CADPS: variants seen among roughly 807,000 people sequenced by gnomAD.
CADPS encodes calcium-dependent secretion activator 1.
Under a neutral mutation model 167.3 loss-of-function variants are expected in CADPS, and 57 were observed. The observed-to-expected ratio is 0.34, with a 90% CI of 0.28 to 0.42. The LOEUF (loss-of-function observed/expected upper bound fraction) is 0.42. CADPS is among the 20% of genes least tolerant of loss of function. The probability of loss-of-function intolerance (pLI) is 1.00; values close to 1 mark genes in which losing one functional copy is unlikely to be tolerated. For synonymous variants in CADPS, 676 were observed against 635.3 expected (o/e 1.06, Z -0.96); for missense variants, 1,414 against 1,738.1 (o/e 0.81, Z 3.32).
intron 1 of CADPS, among the ~76,000 whole-genome samples, chr3:62,775,395 C>A (rs1441306414): frequency 1.3e-5 from 2 of 151,988 alleles, no homozygotes; most frequent in East Asian, 1.9e-4. Context: ...TTGGTCATAT[C>A]AAAAATGAAT....
chr3:62,850,523 C>T (rs1159598982), intron 1 of CADPS, among the ~76,000 whole-genome samples: 3 of 126,384 alleles, frequency 2.4e-5, no homozygotes, highest in East Asian at 2.1e-4. Context: ...GCCTTCATTT[C>T]GTTATGTACC....
chr3:62,660,489 A>T (rs1362564095), intron 4 of CADPS, among the ~76,000 whole-genome samples: 1 of 152,216 alleles, frequency 6.6e-6, no homozygotes, highest in Non-Finnish European at 1.5e-5. Context: ...GGCTGACTTG[A>T]TTATAAACTT....
Position 62,720,089 on chromosome 3 carries a change from G to T in CADPS, c.888+33352C>A, listed in dbSNP as rs909748815. ...AAGAAATAAACACTTCTCTTTTAAGGTACTGAGAGTTTGAACTGTAACCAC... is the reference window on the plus strand; with the variant it reads ...AAGAAATAAACACTTCTCTTTTAAGTTACTGAGAGTTTGAACTGTAACCAC... On this transcript the variant is annotated intron_variant, in intron 3 of 29. Transcript: ENST00000383710. Among the ~76,000 whole-genome samples, 5 of 152,116 alleles carry T rather than the reference G, an allele frequency of 3.3e-5. No homozygotes were observed. The East Asian group carries it at 9.6e-4, about 29-fold the overall frequency.
In CADPS at chr3:62,709,141, C is replaced by G. The variant is rs1350070425; in HGVS notation, c.888+44300G>C. Among the ~76,000 whole-genome samples the G allele has an allele frequency of 9.9e-5, 15 of 152,088 alleles. 1 individual carries two copies. Among genetic ancestry groups the G allele is most frequent in the Admixed American group, 5.9e-4 (9 of 15,268 alleles). Reference sequence around the variant, plus strand: ...AGGGTACCTCCAGCTCTGGCTCAAACAAAGGGTGTGGCAAGCAATAATCTG... The same window carrying G: ...AGGGTACCTCCAGCTCTGGCTCAAAGAAAGGGTGTGGCAAGCAATAATCTG... On this transcript the variant is annotated intron_variant, in intron 3 of 29. Transcript: ENST00000383710.
intron 3 of CADPS, among the ~76,000 whole-genome samples, chr3:62,687,174 C>T (rs934839190): frequency 6.6e-6 from 1 of 152,074 alleles, no homozygotes; most frequent in African/African-American, 2.4e-5. Flanking sequence ...GTTGAGGGGG[C>T]CCAACACGGG....
intron 1 of CADPS, among the ~76,000 whole-genome samples, chr3:62,811,149 GGAAAGCACATTT>G (rs1429506006): frequency 1.3e-5 from 2 of 152,082 alleles, no homozygotes; most frequent in African/African-American, 4.8e-5. Flanking sequence ...GGAGTTGGAG[GGAAAGCACATTT>G]GAATAAATCA....
At chr3:62,759,570 A>T (rs1337068116) in intron 2 of CADPS, among the ~76,000 whole-genome samples, 2 of 152,294 alleles carry the variant, frequency 1.3e-5, no homozygotes, top group South Asian at 4.1e-4. Flanking sequence ...GACCTTTGGA[A>T]AGGTAGGAAG....
At chr3:62,823,644 C>T (rs2073437912) in intron 1 of CADPS, among the ~76,000 whole-genome samples, 1 of 152,086 alleles carries the variant, frequency 6.6e-6, no homozygotes. Context: ...ATTTTAAGGC[C>T]ACCTCCTTTT....
rs149438791 is a variant in CADPS, at chr3:62,756,853, G to A, written c.556-3080C>T. Among the ~76,000 whole-genome samples, 510 of 152,298 alleles carry A rather than the reference G, an allele frequency of 3.3e-3. 3 individuals are homozygous for A. Among genetic ancestry groups the A allele is most frequent in the African/African-American group, 0.011 (471 of 41,562 alleles). On this transcript the variant is annotated intron_variant, in intron 2 of 29. Transcript: ENST00000383710. ...GCAATGAGGGCTGGGGGTGACAGAT[G>A]TAAGATGGGCAGGGAGGGGCCAGAG...
At chr3:62,682,534 A>G (rs1288209247) in intron 3 of CADPS, among the ~76,000 whole-genome samples, 1 of 152,058 alleles carries the variant, frequency 6.6e-6, no homozygotes. Context: ...AAACTAGTCC[A>G]TTTGAATACT....
intron 6 of CADPS, among the ~76,000 whole-genome samples, chr3:62,639,750 G>A (rs954381434): frequency 6.6e-6 from 1 of 152,002 alleles, no homozygotes; most frequent in African/African-American, 2.4e-5. Context: ...AACCCTTTGC[G>A]TGGCCCCTAA....
intron 6 of CADPS, among the ~76,000 whole-genome samples, chr3:62,627,319 T>A (rs1423889394): frequency 1.3e-5 from 2 of 152,200 alleles, no homozygotes; most frequent in African/African-American, 4.8e-5. Flanking sequence ...TCTCTCTTTT[T>A]AATTTTCTAG....
intron 24 of CADPS, among the ~76,000 whole-genome samples, chr3:62,467,612 T>G (rs970389527): frequency 6.6e-6 from 1 of 152,096 alleles, no homozygotes; most frequent in Non-Finnish European, 1.5e-5. Flanking sequence ...ATGTTACCTA[T>G]GAAAATTTAA....
intron 8 of CADPS, among the ~76,000 whole-genome samples, chr3:62,575,467 C>A (rs2082077298): frequency 6.6e-6 from 1 of 152,142 alleles, no homozygotes; most frequent in Admixed American, 6.5e-5. Flanking sequence ...AATAATGGTA[C>A]CTACCTCAAG....
intron 3 of CADPS, among the ~76,000 whole-genome samples, chr3:62,682,690 C>T (rs1402217217): frequency 6.6e-6 from 1 of 152,048 alleles, no homozygotes; most frequent in African/African-American, 2.4e-5. Flanking sequence ...TTTCTTCTTT[C>T]CTTCCTTCTC....
intron 1 of CADPS, among the ~76,000 whole-genome samples, chr3:62,804,330 G>C (rs1333176820): frequency 1.3e-5 from 2 of 152,106 alleles, no homozygotes; most frequent in African/African-American, 4.8e-5. Flanking sequence ...GAGCCATCTT[G>C]AGGCCAAGGG....
intron 8 of CADPS, among the ~76,000 whole-genome samples, chr3:62,584,527 T>C (rs1220448669): frequency 2.0e-5 from 3 of 152,190 alleles, no homozygotes; most frequent in Admixed American, 1.3e-4. Context: ...TCTGAGATAA[T>C]GACATCCATG....
chr3:62,495,412 A>G (rs906447757), intron 18 of CADPS, among the ~76,000 whole-genome samples: 5 of 152,246 alleles, frequency 3.3e-5, no homozygotes, highest in Admixed American at 6.5e-5. Flanking sequence ...CCAGGCTTTA[A>G]AAATATTTAT....
intron 4 of CADPS, among the ~76,000 whole-genome samples, chr3:62,660,802 A>C (rs1441675098): frequency 7.2e-5 from 11 of 152,162 alleles, no homozygotes; most frequent in Admixed American, 2.0e-4. Flanking sequence ...TTTTGGTATT[A>C]ATTGTAATTG....
Sources: gnomAD v4.1 joint callset for allele counts (sites outside exome capture counted in the v4.1 genomes callset) on GRCh38, gnomAD v4.1.1 for gene constraint, MANE v1.5 for transcripts, NCBI Gene and HGNC (gene_info 2026-07-23, HGNC 2026-07-21) for gene names.